The following MILR1 variants were observed in gnomAD, a reference collection of about 807,000 sequenced individuals.
MILR1 encodes the protein allergin-1.
A neutral mutation model predicts 18.5 loss-of-function variants in MILR1; 31 were observed. The observed-to-expected ratio is 1.68, with a 90% CI of 1.26 to 2.26. The LOEUF is 2.26. Among genes scored for constraint, MILR1 ranks in the 30% most tolerant of loss-of-function variants. The probability of loss-of-function intolerance (pLI) is 0.00; values close to 1 mark genes in which losing one functional copy is unlikely to be tolerated. For synonymous variants in MILR1, 85 were observed against 56.2 expected (o/e 1.51, Z -2.30); for missense variants, 257 against 157.4 (o/e 1.63, Z -3.38).
chr17:64,480,744 G>A, the MILR1 span, among the ~76,000 whole-genome samples: 1 of 152,152 alleles, frequency 6.6e-6, no homozygotes, highest in Non-Finnish European at 1.5e-5. Context: ...TATGAACTCA[G>A]AGCCCTCATC....
At chr17:64,483,627 T>C in the MILR1 span, among the ~76,000 whole-genome samples, 1 of 152,060 alleles carries the variant, frequency 6.6e-6, no homozygotes, top group Non-Finnish European at 1.5e-5. Flanking sequence ...CCACGTGGCT[T>C]ACCATTTCAA....
At chr17:64,478,358 A>G in the MILR1 span, among the ~76,000 whole-genome samples, 1 of 152,152 alleles carries the variant, frequency 6.6e-6, no homozygotes, top group Non-Finnish European at 1.5e-5. Flanking sequence ...ACAATAAACA[A>G]TATTATAATA....
chr17:64,470,115 A>G (rs559609835), downstream of MILR1, among the ~76,000 whole-genome samples: 3 of 152,118 alleles, frequency 2.0e-5, no homozygotes, highest in Non-Finnish European at 4.4e-5. Context: ...GTTTTTTGAG[A>G]CAGAGTCTCT....
At chr17:64,495,274 G>T in the MILR1 span, among the ~76,000 whole-genome samples, 196 of 151,006 alleles carry the variant, frequency 1.3e-3, no homozygotes, top group African/African-American at 4.5e-3. Flanking sequence ...AGAAAGTTAG[G>T]AAATATATTT....
chr17:64,458,685 C>G (rs902623594), intron 4 of MILR1, among the ~76,000 whole-genome samples: 27 of 152,000 alleles, frequency 1.8e-4, no homozygotes, highest in African/African-American at 6.5e-4. Flanking sequence ...ATGCACCTTC[C>G]CCTAGGCTGA....
the MILR1 span, among the ~76,000 whole-genome samples, chr17:64,482,009 C>T: frequency 6.6e-6 from 1 of 151,956 alleles, no homozygotes; most frequent in African/African-American, 2.4e-5. Flanking sequence ...GAACAGCAAA[C>T]CCAATGAACT....
intron 9 of MILR1, chr17:64,468,049 G>C (rs974799178): frequency 2.9e-6 from 1 of 348,918 alleles, no homozygotes; most frequent in East Asian, 8.1e-5. Flanking sequence ...GCCAGGGAGA[G>C]AGCCCACAGA....
At chr17:64,495,955 C>G in the MILR1 span, among the ~76,000 whole-genome samples, 27 of 152,240 alleles carry the variant, frequency 1.8e-4, no homozygotes, top group South Asian at 1.9e-3. Flanking sequence ...GTGATCCACC[C>G]GCCTCTGCCT....
chr17:64,456,626 C>G (rs2037306724), intron 3 of MILR1, among the ~76,000 whole-genome samples: 3 of 152,150 alleles, frequency 2.0e-5, no homozygotes, highest in Admixed American at 2.0e-4. Context: ...GCCCGGGCAA[C>G]ATAGTGAGAC....
At chr17:64,488,969 T>A in the MILR1 span, among the ~76,000 whole-genome samples, 3 of 151,666 alleles carry the variant, frequency 2.0e-5, no homozygotes, top group Admixed American at 1.3e-4. Flanking sequence ...TAAAAATTAA[T>A]CTACTTTCTA....
At chr17:64,475,549 T>C in the MILR1 span, among the ~76,000 whole-genome samples, 3 of 150,516 alleles carry the variant, frequency 2.0e-5, 1 homozygote, top group Non-Finnish European at 3.0e-5. Flanking sequence ...TTGGAAAGGC[T>C]GAAGCAGGAG....
chr17:64,478,006 A>G, the MILR1 span: 15 of 1,611,600 alleles, frequency 9.3e-6, no homozygotes, highest in East Asian at 2.7e-4. Flanking sequence ...AAAAGTAGTT[A>G]AACAGACACA....
rs782380429 is a variant in MILR1 at position 64,466,601 on chromosome 17, A to C, written c.918A>C (p.Lys306Asn). 63 of 1,611,452 alleles carry C rather than the reference A, an allele frequency of 3.9e-5. No homozygotes were observed. The highest frequency in any genetic ancestry group is 5.0e-5 in the Non-Finnish European group (59 of 1,178,882). The change falls in exon 8 of 10, where the codon AAA becomes AAC. Residue 306 changes from lysine (K) to asparagine (N), a missense_variant. Lys to Asn is a moderately conservative substitution (Grantham distance 94). Coordinates refer to ENST00000619286, the MANE Select transcript of MILR1 (RefSeq NM_001085423.2). ...TCCTTATCTTTTGCCCAGAGGCCAA[A>C]CACTCCCAGGAGCTACAGTATGCCA... Reference protein sequence around the residue: ...PCVSTAQDEAKHSQELQYATP... With the variant: ...PCVSTAQDEANHSQELQYATP...
the MILR1 span, chr17:64,485,417 G>A: frequency 2.8e-6 from 1 of 361,260 alleles, no homozygotes; most frequent in Non-Finnish European, 5.2e-6. Flanking sequence ...ATGTACCAAT[G>A]CTTCAGCTTC....
At chr17:64,461,968 C>T (rs1051818271) in intron 5 of MILR1, among the ~76,000 whole-genome samples, 1 of 152,134 alleles carries the variant, frequency 6.6e-6, no homozygotes, top group Admixed American at 6.5e-5. Flanking sequence ...GAAGAATGTC[C>T]CATTGTACAT....
chr17:64,480,827 G>C, the MILR1 span, among the ~76,000 whole-genome samples: 1 of 152,106 alleles, frequency 6.6e-6, no homozygotes, highest in Admixed American at 6.6e-5. Context: ...AAAGAAAAAG[G>C]ATGAGAAAAA....
At chr17:64,487,722 C>T in the MILR1 span, among the ~76,000 whole-genome samples, 1 of 151,906 alleles carries the variant, frequency 6.6e-6, no homozygotes. Context: ...ATGCTTTAGG[C>T]TGGGCACAGT....
At chr17:64,467,296 G>C (rs1218896556) in intron 8 of MILR1, among the ~76,000 whole-genome samples, 1 of 149,132 alleles carries the variant, frequency 6.7e-6, no homozygotes, top group African/African-American at 2.5e-5. Flanking sequence ...TTTGGATAGA[G>C]ACAAGTATCT....
At chr17:64,451,853 G>A (rs1305975691) in intron 2 of MILR1, among the ~76,000 whole-genome samples, 1 of 151,842 alleles carries the variant, frequency 6.6e-6, no homozygotes, top group Non-Finnish European at 1.5e-5. Context: ...GATCAGTTGA[G>A]CCTGGAAGGT....
Sources: gnomAD v4.1 joint callset for allele counts (sites outside exome capture counted in the v4.1 genomes callset) on GRCh38, gnomAD v4.1.1 for gene constraint, MANE v1.5 for transcripts, NCBI Gene and HGNC (gene_info 2026-07-23, HGNC 2026-07-21) for gene names.